The following GRIN2B variants were observed in gnomAD, a reference collection of about 807,000 sequenced individuals.
GRIN2B encodes the protein glutamate receptor ionotropic, NMDA 2B.
A neutral mutation model predicts 114.5 loss-of-function variants in GRIN2B; 5 were observed. The ratio of observed to expected loss-of-function variants is 0.04; its 90% CI spans 0.02 to 0.09. The LOEUF (loss-of-function observed/expected upper bound fraction) is 0.09. Among genes scored for constraint, GRIN2B ranks in the 10% least tolerant of loss-of-function variants. The pLI, the probability that GRIN2B is intolerant of heterozygous loss-of-function variation, is 1.00. For missense variants in GRIN2B, 1,108 were observed against 1,943.5 expected, an observed-to-expected ratio of 0.57 and a Z score of 8.08; for synonymous variants, 787 against 745.1, an observed-to-expected ratio of 1.06 and a Z score of -0.92.
chr12:13,674,163 C>G (rs1035006512), intron 5 of GRIN2B, among the ~76,000 whole-genome samples: 2 of 151,900 alleles, frequency 1.3e-5, no homozygotes, highest in Non-Finnish European at 2.9e-5. Flanking sequence ...AGTTCAAGAC[C>G]AGCCTGGGCA....
chr12:13,932,954 T>TGA, intron 2 of GRIN2B, among the ~76,000 whole-genome samples: 3 of 23,116 alleles, frequency 1.3e-4, no homozygotes, highest in Non-Finnish European at 3.4e-4. Flanking sequence ...GGCTTTGTCG[T>TGA]GTGTGTGTGT....
At chr12:13,891,152 C>T (rs1398333598) in intron 2 of GRIN2B, among the ~76,000 whole-genome samples, 1 of 152,198 alleles carries the variant, frequency 6.6e-6, no homozygotes, top group African/African-American at 2.4e-5. Flanking sequence ...CAGCAGATTA[C>T]ACTATTTATT....
intron 2 of GRIN2B, among the ~76,000 whole-genome samples, chr12:13,882,952 G>T (rs528976941): frequency 6.6e-6 from 1 of 152,140 alleles, no homozygotes; most frequent in African/African-American, 2.4e-5. Context: ...GACAATCACT[G>T]ATGTGATTTC....
intron 4 of GRIN2B, among the ~76,000 whole-genome samples, chr12:13,733,699 T>C (rs1390121558): frequency 6.6e-6 from 1 of 152,140 alleles, no homozygotes; most frequent in Non-Finnish European, 1.5e-5. Context: ...GTGGTATAAA[T>C]GAGGCCAGCG....
chr12:13,747,673 C>T (rs2136623262), intron 4 of GRIN2B, among the ~76,000 whole-genome samples: 1 of 152,328 alleles, frequency 6.6e-6, no homozygotes, highest in East Asian at 1.9e-4. Flanking sequence ...AGCTATACCG[C>T]TTATTACTAT....
At chr12:13,825,496 T>TTTTTTTTGTGTGTGTGTG (rs375940899) in intron 3 of GRIN2B, among the ~76,000 whole-genome samples, 14 of 122,994 alleles carry the variant, frequency 1.1e-4, no homozygotes, top group African/African-American at 4.1e-4. Flanking sequence ...TATATATATT[T>TTTTTTTTGTGTGTGTGTG]TGTGTGTGTG....
At chr12:13,714,101 C>T (rs994715426) in intron 4 of GRIN2B, among the ~76,000 whole-genome samples, 1 of 151,822 alleles carries the variant, frequency 6.6e-6, no homozygotes, top group African/African-American at 2.4e-5. Flanking sequence ...CAAAGTCTGT[C>T]TCTCAGGAAG....
rs926050133 is a variant in GRIN2B, at chr12:13,688,367, C to T, written c.1011-12508G>A. ...GATGCCATCACCATAAAGAGGCCTA[C>T]AGGAAAGTCAACTAAACACACAGGC... On this transcript the variant is annotated intron_variant, in intron 4 of 13. Coordinates refer to ENST00000609686, the MANE Select transcript of GRIN2B (RefSeq NM_000834.5). Among the ~76,000 whole-genome samples the T allele has an allele frequency of 3.9e-5, 6 of 152,120 alleles. No individual in the cohort carries two copies. In the South Asian group the frequency reaches 6.2e-4, roughly 16 times the overall value.
intron 4 of GRIN2B, among the ~76,000 whole-genome samples, chr12:13,691,744 T>C (rs1026747894): frequency 1.1e-4 from 17 of 151,814 alleles, no homozygotes; most frequent in Admixed American, 2.0e-4. Context: ...AATGAAGAGA[T>C]GGAGAGGAGA....
chr12:13,797,067 C>G (rs1457736931), intron 3 of GRIN2B, among the ~76,000 whole-genome samples: 1 of 152,132 alleles, frequency 6.6e-6, no homozygotes, highest in Non-Finnish European at 1.5e-5. Flanking sequence ...ATTCAAGCTG[C>G]TATAACAAAA....
At chr12:13,905,480 A>C (rs1591613698) in intron 2 of GRIN2B, among the ~76,000 whole-genome samples, 1 of 152,180 alleles carries the variant, frequency 6.6e-6, no homozygotes, top group East Asian at 1.9e-4. Context: ...TAAATGTGGT[A>C]AGTATAGTTG....
In GRIN2B at chr12:13,697,319, A is replaced by C. The variant is rs375467720; in HGVS notation, c.1011-21460T>G. ...TCTCTAAATGTGATTAGAAAAAAAA[A>C]CAGAACAGTCTATTGAGTCTATCAG... On this transcript the variant is annotated intron_variant, in intron 4 of 13. Transcript: ENST00000609686. 2.9e-4 allele frequency among the ~76,000 whole-genome samples: 44 copies of C among 152,322 alleles called. 1 individual carries two copies. In the East Asian group the frequency reaches 5.2e-3, roughly 18 times the overall value.
intron 12 of GRIN2B, among the ~76,000 whole-genome samples, chr12:13,568,010 G>C (rs1309859268): frequency 2.6e-5 from 4 of 151,938 alleles, no homozygotes. Context: ...TGGGCAGAGA[G>C]ATTGATTGAT....
chr12:13,854,596 A>C (rs1865628192), intron 3 of GRIN2B, among the ~76,000 whole-genome samples: 1 of 152,074 alleles, frequency 6.6e-6, no homozygotes, highest in South Asian at 2.1e-4. Flanking sequence ...TAAAAGACGA[A>C]CTTCACCTTG....
Position 13,563,761 on chromosome 12 carries a change from A to G in GRIN2B, c.3477T>C (p.Ser1159=). ...TGACGGAGTCGCGCTTAAAGTCATC[A>G]CTCCGCTCCTTGTAGATGTCGGTCA... ...VDLTDIYKER[S]DDFKRDSVSG... The change falls in exon 14 of 14, where the codon AGT becomes AGC. Residue 1159 remains serine (S), a synonymous_variant. Coordinates refer to ENST00000609686, the MANE Select transcript of GRIN2B (RefSeq NM_000834.5). 6.2e-7 allele frequency: 1 copy of G among 1,613,548 alleles called. No homozygotes were observed. Among genetic ancestry groups the G allele is most frequent in the Non-Finnish European group, 8.5e-7 (1 of 1,179,918 alleles).
At chr12:13,622,389 G>A (rs542147644) in intron 5 of GRIN2B, among the ~76,000 whole-genome samples, 2 of 152,064 alleles carry the variant, frequency 1.3e-5, no homozygotes, top group Non-Finnish European at 2.9e-5. Context: ...CTGCAGCCCC[G>A]GGGCAGGCCT....
At chr12:13,750,175 G>A (rs1863457680) in intron 4 of GRIN2B, among the ~76,000 whole-genome samples, 1 of 152,166 alleles carries the variant, frequency 6.6e-6, no homozygotes, top group East Asian at 1.9e-4. Context: ...ACTGGTGCCT[G>A]AGGAATTGAT....
chr12:13,725,301 A>AG (rs1390810209), intron 4 of GRIN2B, among the ~76,000 whole-genome samples: 1 of 152,144 alleles, frequency 6.6e-6, no homozygotes, highest in African/African-American at 2.4e-5. Context: ...GAGGAAAGAA[A>AG]GGGGAAGAGG....
At chr12:13,809,624 C>A (rs7296686) in intron 3 of GRIN2B, among the ~76,000 whole-genome samples, 5,755 of 152,096 alleles carry the variant, frequency 0.038, 110 homozygotes, top group Middle Eastern at 0.12. Flanking sequence ...GTCAGCATGA[C>A]AATTTGTCTT....
Sources: allele counts gnomAD v4.1 joint callset (sites outside exome capture counted in the v4.1 genomes callset), GRCh38; gene constraint gnomAD v4.1.1; transcripts MANE v1.5; gene names NCBI Gene and HGNC (gene_info 2026-07-23, HGNC 2026-07-21).